The following SGPL1 variants were observed in gnomAD, a reference collection of about 807,000 sequenced individuals.
SGPL1 encodes the protein SP-lyase 1.
Under a neutral mutation model 68.9 loss-of-function variants are expected in SGPL1, and 37 were observed. That is an observed-to-expected ratio of 0.54 (90% CI 0.41 to 0.71). The LOEUF (loss-of-function observed/expected upper bound fraction) is 0.71. SGPL1 is among the 30% of genes least tolerant of loss of function. The pLI, the probability that SGPL1 is intolerant of heterozygous loss-of-function variation, is 0.00. For missense variants in SGPL1, 551 were observed against 704.6 expected, an observed-to-expected ratio of 0.78 and a Z score of 2.47; for synonymous variants, 236 against 248.5, an observed-to-expected ratio of 0.95 and a Z score of 0.47.
At chr10:70,854,589 T>C (rs1845933140) in intron 4 of SGPL1, 119 bp from the exon 5 acceptor site, 1 of 783,976 alleles carries the variant, frequency 1.3e-6, no homozygotes, top group Non-Finnish European at 2.0e-6. Context: ...TTAGGAAAAA[T>C]GTTAGTTTAG....
chr10:70,822,626 T>G (rs867049298), intron 2 of SGPL1, among the ~76,000 whole-genome samples: 65 of 152,170 alleles, frequency 4.3e-4, no homozygotes, highest in African/African-American at 1.5e-3. Flanking sequence ...TCTGAGAAGA[T>G]GGAATGGTGA....
intron 4 of SGPL1, among the ~76,000 whole-genome samples, chr10:70,851,667 T>C (rs1373873673): frequency 6.6e-6 from 1 of 151,900 alleles, no homozygotes; most frequent in Non-Finnish European, 1.5e-5. Flanking sequence ...TATCTAGGAG[T>C]TGGGTGCTTA....
chr10:70,868,495 A>G, intron 8 of SGPL1, 62 bp downstream of exon 8: 1 of 1,299,308 alleles, frequency 7.7e-7, no homozygotes, highest in Non-Finnish European at 1.1e-6. Flanking sequence ...CAGCTTTATG[A>G]AACTAAAGCA....
At chr10:70,857,449 C>T (rs756605443) in intron 5 of SGPL1, 165 bp from the exon 6 acceptor site, 3 of 575,442 alleles carry the variant, frequency 5.2e-6, no homozygotes, top group Non-Finnish European at 9.3e-6. Flanking sequence ...ATTGTGCTAA[C>T]TCTATTGAAC....
At chr10:70,875,619 C>T (rs1200074832) in intron 13 of SGPL1, 71 bp downstream of exon 13, 3 of 1,280,262 alleles carry the variant, frequency 2.3e-6, no homozygotes, top group Non-Finnish European at 3.3e-6. Flanking sequence ...GTACAGTAAC[C>T]TGAAGTATAG....
chr10:70,822,400 G>C (rs1195797819), intron 2 of SGPL1, among the ~76,000 whole-genome samples: 1 of 152,168 alleles, frequency 6.6e-6, no homozygotes, highest in African/African-American at 2.4e-5. Flanking sequence ...TTCAGTCTAT[G>C]TGTCAGGAAT....
chr10:70,857,263 C>T, intron 5 of SGPL1: 1 of 223,600 alleles, frequency 4.5e-6, no homozygotes, highest in Non-Finnish European at 8.9e-6. Flanking sequence ...CAGAAAAAGG[C>T]CACTCCAAAG....
Position 70,859,410 on chromosome 10 carries a change from G to T in SGPL1, c.526G>T (p.Asp176Tyr). The T allele has an allele frequency of 6.4e-7, 1 of 1,553,430 alleles. No individual in the cohort carries two copies. Among genetic ancestry groups the T allele is most frequent in the South Asian group, 1.2e-5 (1 of 80,252 alleles). Reference protein sequence around the residue: ...DFAWSNPLHPDIFPGLRKIEA... With the variant: ...DFAWSNPLHPYIFPGLRKIEA... ...TGCATGGAGTAACCCCCTGCATCCA[G>T]ATATCTTCCCAGGACTACGCAAGAT... Residue 176 changes from aspartate to tyrosine, a missense_variant, in exon 7 of 15, where the codon GAT (aspartate) becomes TAT (tyrosine). Transcript: ENST00000373202.
chr10:70,870,091 G>T, intron 9 of SGPL1, 194 bp downstream of exon 9: 1 of 484,116 alleles, frequency 2.1e-6, no homozygotes, highest in Non-Finnish European at 3.7e-6. Flanking sequence ...CTGAAAGGGA[G>T]GTGATCTAGT....
intron 3 of SGPL1, among the ~76,000 whole-genome samples, chr10:70,848,924 C>G (rs1174809792): frequency 6.6e-6 from 1 of 152,202 alleles, no homozygotes; most frequent in Admixed American, 6.5e-5. Flanking sequence ...AGTCTTCCTT[C>G]TTCCCCTTAC....
rs55860254 is a variant in SGPL1 at position 70,848,454 on chromosome 10, C to CTTTTT, written c.194-2665_194-2661dup. On this transcript the variant is annotated intron_variant, in intron 3 of 14. Transcript: ENST00000373202. ...CAAACTAACGTGATTACCTCACGTA[C>CTTTTT]TTTTTTTTTTTTTTTTTTTTTTTTT... Among the ~76,000 whole-genome samples the CTTTTT allele has an allele frequency of 3.4e-4, 24 of 70,682 alleles. 5 individuals are homozygous for CTTTTT. Among genetic ancestry groups the CTTTTT allele is most frequent in the South Asian group, 6.2e-4 (1 of 1,614 alleles). 46.4% of individuals were successfully genotyped at this position (70,682 alleles called of 152,430 possible).
chr10:70,833,723 A>G (rs1222810933), intron 2 of SGPL1, among the ~76,000 whole-genome samples: 3 of 152,060 alleles, frequency 2.0e-5, no homozygotes, highest in Non-Finnish European at 2.9e-5. Context: ...CTGTATTTTA[A>G]CTTCACTCCC....
chr10:70,828,303 G>A (rs1299135049), intron 2 of SGPL1, among the ~76,000 whole-genome samples: 1 of 152,172 alleles, frequency 6.6e-6, no homozygotes, highest in Admixed American at 6.5e-5. Flanking sequence ...AAGTTGTATA[G>A]GCACTTTTAT....
At position 70,837,910 on chromosome 10, in the gene SGPL1, G is replaced by A. The variant is rs887249715; in HGVS notation, c.28-6563G>A. 2.6e-5 allele frequency among the ~76,000 whole-genome samples: 4 copies of A among 152,104 alleles called. No individual in the cohort carries two copies. In the South Asian group the frequency reaches 8.3e-4, roughly 32 times the overall value. ...TGCTGAATAATAACATGTCAGAAGG[G>A]CAAGTGAGCACGCGAGCTAGAGGGG... is the stretch of plus-strand genomic sequence containing the variant. On this transcript the variant is annotated intron_variant, in intron 2 of 14. Coordinates refer to ENST00000373202, the MANE Select transcript of SGPL1 (RefSeq NM_003901.4).
rs1473520107 is a variant in SGPL1 at position 70,844,617 on chromosome 10, G to A, written c.172G>A (p.Glu58Lys). Residue 58 changes from glutamate (E) to lysine (K), a missense_variant, in exon 3 of 15, where the codon GAG becomes AAG. Physicochemically the swap from Glu to Lys is moderately conservative, Grantham distance 56 (BLOSUM62 1). Transcript: ENST00000373202. The part of the protein sequence containing the change: ...VWTLLIVWGY[E>K]FVFQPESLWS... ...GACCCTGCTGATAGTCTGGGGATAT[G>A]AGTTTGTCTTCCAGCCAGAGAGTAA... The A allele has an allele frequency of 6.2e-7, 1 of 1,614,086 alleles. No homozygotes were observed. The highest frequency in any genetic ancestry group is 1.3e-5 in the African/African-American group (1 of 75,040).
At chr10:70,861,721 G>A (rs1846059628) in intron 7 of SGPL1, among the ~76,000 whole-genome samples, 1 of 152,202 alleles carries the variant, frequency 6.6e-6, no homozygotes, top group African/African-American at 2.4e-5. Context: ...TGGGCTTGGC[G>A]GGCCCCGCAC....
chr10:70,857,341 A>G, intron 5 of SGPL1: 1 of 366,488 alleles, frequency 2.7e-6, no homozygotes, highest in South Asian at 2.3e-5. Context: ...GCAGTTGAGG[A>G]TGAGGACAAC....
intron 2 of SGPL1, among the ~76,000 whole-genome samples, chr10:70,827,659 G>A (rs1369473816): frequency 6.6e-6 from 1 of 151,922 alleles, no homozygotes; most frequent in African/African-American, 2.4e-5. Flanking sequence ...TCATTTTTGA[G>A]TTTAAAAAAA....
intron 7 of SGPL1, among the ~76,000 whole-genome samples, chr10:70,861,679 G>A (rs1187896715): frequency 2.0e-5 from 3 of 152,228 alleles, no homozygotes; most frequent in East Asian, 1.9e-4. Flanking sequence ...TGCGCGCAGC[G>A]CTTGCGGGCC....
Sources: gnomAD v4.1 joint callset for allele counts (sites outside exome capture counted in the v4.1 genomes callset) on GRCh38, gnomAD v4.1.1 for gene constraint, MANE v1.5 for transcripts, NCBI Gene and HGNC (gene_info 2026-07-23, HGNC 2026-07-21) for gene names.